HS3ST4: variants seen among roughly 807,000 people sequenced by gnomAD.
HS3ST4 encodes the protein heparan sulfate-glucosamine 3-sulfotransferase 4, also known as heparan sulfate glucosamine 3-O-sulfotransferase 4.
A neutral mutation model predicts 29.2 loss-of-function variants in HS3ST4; 17 were observed. The ratio of observed to expected loss-of-function variants is 0.58; its 90% CI spans 0.40 to 0.87. HS3ST4 has a LOEUF of 0.87. Among genes scored for constraint, HS3ST4 ranks in the 40% least tolerant of loss-of-function variants. HS3ST4 has a pLI of 0.00. For missense variants in HS3ST4, 627 were observed against 634.5 expected (o/e 0.99, Z 0.13); for synonymous variants, 314 against 285.7 (o/e 1.10, Z -1.00).
At chr16:26,074,692 A>C (rs954940267) in intron 1 of HS3ST4, among the ~76,000 whole-genome samples, 2 of 152,162 alleles carry the variant, frequency 1.3e-5, no homozygotes, top group African/African-American at 4.8e-5. Flanking sequence ...CATCCATTCA[A>C]ACAAAGCCTT....
At chr16:25,725,625 A>T (rs991242949) in intron 1 of HS3ST4, among the ~76,000 whole-genome samples, 1 of 151,818 alleles carries the variant, frequency 6.6e-6, no homozygotes, top group Non-Finnish European at 1.5e-5. Flanking sequence ...AAACAATTGG[A>T]TGCAATTTGA....
At chr16:26,067,630 C>T (rs945080997) in intron 1 of HS3ST4, among the ~76,000 whole-genome samples, 1 of 152,014 alleles carries the variant, frequency 6.6e-6, no homozygotes, top group African/African-American at 2.4e-5. Flanking sequence ...ATGGCACTAA[C>T]TAATAATTAG....
At chr16:25,894,452 T>C (rs1393307352) in intron 1 of HS3ST4, among the ~76,000 whole-genome samples, 1 of 151,956 alleles carries the variant, frequency 6.6e-6, no homozygotes, top group Non-Finnish European at 1.5e-5. Flanking sequence ...CCCTCTGGGA[T>C]TTCTGTAATA....
At chr16:25,956,062 G>T (rs1004114109) in intron 1 of HS3ST4, among the ~76,000 whole-genome samples, 1 of 151,818 alleles carries the variant, frequency 6.6e-6, no homozygotes, top group African/African-American at 2.4e-5. Context: ...ATGATCTGCT[G>T]GCCTCAGCCT....
intron 1 of HS3ST4, among the ~76,000 whole-genome samples, chr16:26,003,795 C>T (rs973312389): frequency 5.3e-5 from 8 of 152,006 alleles, no homozygotes; most frequent in Non-Finnish European, 7.4e-5. Flanking sequence ...GGGCTGGAGT[C>T]GGGGAAGTAG....
intron 1 of HS3ST4, among the ~76,000 whole-genome samples, chr16:25,917,844 C>T (rs1402772707): frequency 1.3e-5 from 2 of 152,180 alleles, no homozygotes; most frequent in African/African-American, 4.8e-5. Flanking sequence ...AAGCAATAAG[C>T]ATCACCTTTA....
intron 1 of HS3ST4, among the ~76,000 whole-genome samples, chr16:26,102,341 A>G (rs547436588): frequency 1.3e-5 from 2 of 151,962 alleles, no homozygotes; most frequent in South Asian, 4.2e-4. Flanking sequence ...TTTCTTCCCT[A>G]CTGGGACACT....
chr16:26,136,819 C>T lies in HS3ST4; in HGVS notation c.*571C>T, dbSNP rs1224089776. Reference sequence around the variant, plus strand: ...TCCCACAACCCCTGACTTCCTCCCTCCCCACATCATGAAGGCAGAGGCATG... The same window carrying T: ...TCCCACAACCCCTGACTTCCTCCCTTCCCACATCATGAAGGCAGAGGCATG... On this transcript the variant is annotated 3_prime_UTR_variant, in exon 2 of 2. Transcript: ENST00000331351. 1.3e-5 allele frequency: 2 copies of T among 155,012 alleles called. No individual in the cohort carries two copies. The highest frequency in any genetic ancestry group is 2.4e-5 in the African/African-American group (1 of 41,414). The allele number at this position is 155,012 out of a possible 1,614,324, so 9.6% of individuals were successfully genotyped here. A position where few individuals can be genotyped will look rare whatever the true frequency, so the allele number is the denominator to read the frequency against.
intron 1 of HS3ST4, among the ~76,000 whole-genome samples, chr16:26,023,406 A>AT (rs1458082507): frequency 2.7e-5 from 4 of 147,376 alleles, no homozygotes; most frequent in South Asian, 4.3e-4. Context: ...TACTGTCTTA[A>AT]ATTTTTTTTT....
In HS3ST4 at chr16:25,733,914, C is replaced by T. The variant is rs554309300; in HGVS notation, c.734+40763C>T. Among the ~76,000 whole-genome samples the T allele has an allele frequency of 1.1e-4, 16 of 152,238 alleles. No homozygotes were observed. The East Asian group carries it at 2.3e-3, about 22-fold the overall frequency. On this transcript the variant is annotated intron_variant, in intron 1 of 1. Transcript: ENST00000331351. ...CAGGCAGATCACGAGGTCAGGAGTT[C>T]GAGACCAACCTGACCAATATGATGA...
rs74014839 is a variant in HS3ST4 at position 25,741,961 on chromosome 16, G to A, written c.734+48810G>A. Among the ~76,000 whole-genome samples, 814 of 151,944 alleles carry A rather than the reference G, an allele frequency of 5.4e-3. 7 individuals are homozygous for A. The highest frequency in any genetic ancestry group is 0.019 in the African/African-American group (768 of 41,454). On this transcript the variant is annotated intron_variant, in intron 1 of 1. Coordinates refer to ENST00000331351, the MANE Select transcript of HS3ST4 (RefSeq NM_006040.3). Reference sequence around the variant, plus strand: ...TTTTAATCTTTTTGCTAAGATCTATGGTTAAAAAAAAGAGTATGTGAGTAA... The same window carrying A: ...TTTTAATCTTTTTGCTAAGATCTATAGTTAAAAAAAAGAGTATGTGAGTAA...
chr16:25,943,767 A>T (rs1436794397), intron 1 of HS3ST4, among the ~76,000 whole-genome samples: 1 of 152,234 alleles, frequency 6.6e-6, no homozygotes, highest in East Asian at 1.9e-4. Flanking sequence ...TTCCAAGGGC[A>T]TTTTCATGAG....
At chr16:25,907,701 C>T (rs532898859) in intron 1 of HS3ST4, among the ~76,000 whole-genome samples, 2 of 152,236 alleles carry the variant, frequency 1.3e-5, no homozygotes, top group East Asian at 1.9e-4. Context: ...GGCACCCGGG[C>T]CCCCCAAAAC....
chr16:25,912,467 G>A (rs1435062742), intron 1 of HS3ST4, among the ~76,000 whole-genome samples: 1 of 147,274 alleles, frequency 6.8e-6, no homozygotes, highest in Non-Finnish European at 1.5e-5. Context: ...GAGGAAGGCT[G>A]AGTCAGCAGG....
chr16:25,969,007 A>T (rs1968871474), intron 1 of HS3ST4, among the ~76,000 whole-genome samples: 2 of 152,212 alleles, frequency 1.3e-5, no homozygotes, highest in South Asian at 2.1e-4. Context: ...TTTAGCAGAG[A>T]CGGGGGTTTC....
At position 26,136,274 on chromosome 16, in the gene HS3ST4, T is replaced by G; in HGVS notation, c.*26T>G. ...GGCTAGAGAGGCAGAGGAAGGCTAG[T>G]CAATAAGCTAAGGAGGCTCCTTGCC... is the stretch of plus-strand genomic sequence containing the variant. On this transcript the variant is annotated 3_prime_UTR_variant, in exon 2 of 2. Transcript: ENST00000331351. 2.5e-6 allele frequency: 4 copies of G among 1,591,396 alleles called. No individual in the cohort carries two copies. In the South Asian group the frequency reaches 4.6e-5, roughly 18 times the overall value.
At chr16:26,091,223 G>A (rs895680557) in intron 1 of HS3ST4, among the ~76,000 whole-genome samples, 1 of 152,130 alleles carries the variant, frequency 6.6e-6, no homozygotes, top group Non-Finnish European at 1.5e-5. Flanking sequence ...ATTATGAGAT[G>A]TTTTTCCTTG....
chr16:25,759,057 G>A (rs1416064649), intron 1 of HS3ST4, among the ~76,000 whole-genome samples: 2 of 152,134 alleles, frequency 1.3e-5, no homozygotes, highest in Non-Finnish European at 1.5e-5. Flanking sequence ...AATAGCTGTA[G>A]CCAGGGAAAC....
intron 1 of HS3ST4, among the ~76,000 whole-genome samples, chr16:25,806,813 T>TTG (rs1328089989): frequency 6.6e-6 from 1 of 152,062 alleles, no homozygotes; most frequent in African/African-American, 2.4e-5. Flanking sequence ...TTGTACTCAT[T>TTG]TGTGTGTGTG....
Sources: gnomAD v4.1 joint callset for allele counts (sites outside exome capture counted in the v4.1 genomes callset) on GRCh38, gnomAD v4.1.1 for gene constraint, MANE v1.5 for transcripts, NCBI Gene and HGNC (gene_info 2026-07-23, HGNC 2026-07-21) for gene names.